The following LYRM4 variants were observed in gnomAD, a reference collection of about 807,000 sequenced individuals.
The protein encoded by LYRM4 is LYR motif-containing protein 4.
A neutral mutation model predicts 11.7 loss-of-function variants in LYRM4; 9 were observed. The observed-to-expected ratio is 0.77, with a 90% confidence interval of 0.46 to 1.34. LYRM4 has a LOEUF of 1.34. LYRM4 is among the 40% of genes most tolerant of loss of function. The pLI is 0.00. For missense variants in LYRM4, 133 were observed against 112.5 expected, an observed-to-expected ratio of 1.18 and a Z score of -0.82; for synonymous variants, 42 against 40.4, an observed-to-expected ratio of 1.04 and a Z score of -0.15.
intron 2 of LYRM4, among the ~76,000 whole-genome samples, chr6:5,149,590 C>G (rs1386576206): frequency 7.3e-6 from 1 of 136,368 alleles, no homozygotes; most frequent in Admixed American, 8.2e-5. Context: ...AAGCATTAAT[C>G]TGAAAATCTT....
chr6:5,084,101 T>C, the LYRM4 span, among the ~76,000 whole-genome samples: 1 of 152,084 alleles, frequency 6.6e-6, no homozygotes, highest in Non-Finnish European at 1.5e-5. Context: ...AAGACCCCTA[T>C]CTCGAAAAAG....
the LYRM4 span, among the ~76,000 whole-genome samples, chr6:5,055,976 CTCTCTCTTTCTTTCA>C: frequency 5.0e-3 from 752 of 151,876 alleles, 8 homozygotes; most frequent in African/African-American, 0.017. This position sits in a 1 kb window ranked among gnomAD's most constrained non-coding sequence, Gnocchi z 4.5. Context: ...TTCTTTCTTT[CTCTCTCTTTCTTTCA>C]TCTCTCTTTC....
At position 5,213,664 on chromosome 6, in the gene LYRM4, A is replaced by G. The variant is rs1027850498; in HGVS notation, c.207+2954T>C. Among the ~76,000 whole-genome samples the G allele has an allele frequency of 2.0e-4, 30 of 152,274 alleles. 1 individual carries two copies. Among genetic ancestry groups the G allele is most frequent in the Admixed American group, 1.7e-3 (26 of 15,294 alleles). ...GATTTCCATATTCCTTTCATGGTTC[A>G]TTCCTTCAGGAGGGAGACTGTGGGT... On this transcript the variant is annotated intron_variant, in intron 2 of 2. Coordinates refer to ENST00000330636, the MANE Select transcript of LYRM4 (RefSeq NM_020408.6).
chr6:5,216,615 T>C lies in LYRM4; in HGVS notation c.207+3A>G. On this transcript the variant is annotated splice_donor_region_variant and intron_variant, in intron 2 of 2. Transcript: ENST00000330636. ...AAAACAGTACATCATTGAACCATCT[T>C]ACCTGTCGACGAATTACTCCAAGGT... 1 of 1,614,048 alleles carries C rather than the reference T, an allele frequency of 6.2e-7. No individual in the cohort carries two copies. Among genetic ancestry groups the C allele is most frequent in the Non-Finnish European group, 8.5e-7 (1 of 1,180,020 alleles).
At chr6:5,194,376 G>A (rs534886035) in intron 2 of LYRM4, among the ~76,000 whole-genome samples, 6 of 152,122 alleles carry the variant, frequency 3.9e-5, no homozygotes, top group Non-Finnish European at 5.9e-5. Context: ...CCTGTGACCC[G>A]TGTGAACAGG....
chr6:5,144,227 C>T (rs766051026), intron 2 of LYRM4: 7 of 1,537,052 alleles, frequency 4.6e-6, no homozygotes, highest in African/African-American at 1.4e-5. Flanking sequence ...TGCTGTTCCC[C>T]GACTTCCTCC....
At chr6:5,113,050 A>G (rs1490416340) in intron 2 of LYRM4, 1 of 199,294 alleles carries the variant, frequency 5.0e-6, no homozygotes. Flanking sequence ...ACCCACCCAG[A>G]TCTGTGGTTA....
the LYRM4 span, chr6:5,085,094 G>A: frequency 4.6e-6 from 1 of 219,490 alleles, no homozygotes; most frequent in African/African-American, 2.3e-5. Flanking sequence ...CCCGCCGGGG[G>A]TGCGGGTGAG....
chr6:5,043,887 T>C, the LYRM4 span, among the ~76,000 whole-genome samples: 2 of 152,124 alleles, frequency 1.3e-5, no homozygotes, highest in African/African-American at 4.8e-5. Flanking sequence ...ATTAGCAAAC[T>C]GGCCAATCCC....
At chr6:5,260,509 G>T in intron 1 of LYRM4, 139 bp downstream of exon 1, 1 of 1,180,730 alleles carries the variant, frequency 8.5e-7, no homozygotes, top group South Asian at 1.5e-5. Context: ...GCTTTTCGAT[G>T]GCGGAGCCCG....
chr6:5,123,781 G>A (rs116624480), intron 2 of LYRM4, among the ~76,000 whole-genome samples: 3,449 of 152,330 alleles, frequency 0.023, 45 homozygotes, highest in Middle Eastern at 0.078. Flanking sequence ...GAGGACCTCG[G>A]AGTAAGAGTT....
intron 1 of LYRM4, among the ~76,000 whole-genome samples, chr6:5,232,533 A>G (rs1763302175): frequency 6.6e-6 from 1 of 152,218 alleles, no homozygotes; most frequent in Non-Finnish European, 1.5e-5. Context: ...AACCATTCAC[A>G]TATCTCACTG....
chr6:5,117,523 G>C (rs376309454), intron 2 of LYRM4, among the ~76,000 whole-genome samples: 60 of 151,550 alleles, frequency 4.0e-4, no homozygotes, highest in African/African-American at 1.4e-3. Flanking sequence ...CTCCAGCCTG[G>C]TGACAGAGCG....
intron 1 of LYRM4, among the ~76,000 whole-genome samples, chr6:5,245,112 AAATATATATATATAT>A (rs1340358802): frequency 2.2e-4 from 7 of 31,966 alleles, no homozygotes; most frequent in African/African-American, 4.7e-4. Context: ...AAAAAAAAAA[AAATATATATATATAT>A]ATATATATAT....
the LYRM4 span, chr6:5,086,348 C>G: frequency 1.3e-6 from 2 of 1,535,936 alleles, no homozygotes; most frequent in Non-Finnish European, 1.7e-6. Flanking sequence ...GAGCCAGGGT[C>G]CGGGGATGCC....
At chr6:5,105,390 T>C (rs927051196), downstream of LYRM4, 1 of 152,304 alleles carries the variant, frequency 6.6e-6, no homozygotes, top group Non-Finnish European at 1.5e-5. Flanking sequence ...GTTCAGCTGT[T>C]GCCTCTTGGT....
intron 2 of LYRM4, chr6:5,113,460 A>C: frequency 3.1e-6 from 1 of 326,986 alleles, no homozygotes. Flanking sequence ...TCCAGCTTGG[A>C]AGGAGGAGTG....
the LYRM4 span, among the ~76,000 whole-genome samples, chr6:5,049,756 A>T: frequency 6.7e-6 from 1 of 149,862 alleles, no homozygotes; most frequent in Admixed American, 6.6e-5. Context: ...TGCAACCTCC[A>T]CCTCCCGGGT....
At chr6:5,044,350 C>T in the LYRM4 span, among the ~76,000 whole-genome samples, 1,080 of 152,068 alleles carry the variant, frequency 7.1e-3, 16 homozygotes, top group African/African-American at 0.023. Context: ...AGGCTGGTCT[C>T]GAACTCCTGA....
Sources: allele counts gnomAD v4.1 joint callset (sites outside exome capture counted in the v4.1 genomes callset), GRCh38; gene constraint gnomAD v4.1.1; non-coding constraint Gnocchi (gnomAD v3.1); transcripts MANE v1.5; gene names NCBI Gene and HGNC (gene_info 2026-07-23, HGNC 2026-07-21).